The following NTRK2 variants were observed in gnomAD, a reference collection of about 807,000 sequenced individuals.
NTRK2 encodes BDNF/NT-3 growth factors receptor.
In NTRK2, 13 loss-of-function variants were observed where a neutral mutation model predicts 94.5. The ratio of observed to expected loss-of-function variants is 0.14; its 90% CI spans 0.09 to 0.22. The LOEUF is 0.22. NTRK2 is among the 10% of genes least tolerant of loss of function. The probability of loss-of-function intolerance (pLI) is 1.00; values close to 1 mark genes in which losing one functional copy is unlikely to be tolerated. For synonymous variants in NTRK2, 372 were observed against 407.4 expected (o/e 0.91, Z 1.05); for missense variants, 639 against 1,071.2 (o/e 0.60, Z 5.63).
intron 10 of NTRK2, among the ~76,000 whole-genome samples, chr9:84,744,404 C>A (rs1057219088): frequency 1.6e-4 from 24 of 152,166 alleles, no homozygotes; most frequent in African/African-American, 5.1e-4. Flanking sequence ...AAGTTTCATA[C>A]TGATGCTTGT....
chr9:84,814,170 C>A, intron 12 of NTRK2: 1 of 1,065,494 alleles, frequency 9.4e-7, no homozygotes, highest in Non-Finnish European at 1.1e-6. Context: ...CTAAACAATC[C>A]CAGCCCCACC....
chr9:84,787,773 A>G (rs973971140), intron 12 of NTRK2, among the ~76,000 whole-genome samples: 11 of 152,214 alleles, frequency 7.2e-5, no homozygotes, highest in African/African-American at 2.7e-4. Flanking sequence ...AGTTGTTGTG[A>G]GGATTAAATA....
rs1251771059 is a variant in NTRK2, at chr9:84,706,514, A to ATTTTT, written c.360-1328_360-1324dup. ...GTCACCCTCAGATCTCATGTGTGTT[A>ATTTTT]TTTTTTGTTTTTGTTTTTTTTTTTT... On this transcript the variant is annotated intron_variant, in intron 4 of 18. Transcript: ENST00000277120. Among the ~76,000 whole-genome samples the ATTTTT allele has an allele frequency of 2.5e-3, 171 of 68,542 alleles. 11 individuals are homozygous for ATTTTT. Among genetic ancestry groups the ATTTTT allele is most frequent in the South Asian group, 5.0e-3 (10 of 1,982 alleles). The allele number at this position is 68,542 out of a possible 152,430, so 45.0% of individuals were successfully genotyped here.
intron 9 of NTRK2, among the ~76,000 whole-genome samples, chr9:84,732,803 G>A (rs2132162679): frequency 6.6e-6 from 1 of 152,312 alleles, no homozygotes; most frequent in South Asian, 2.1e-4. Flanking sequence ...GTTCAATGCT[G>A]ATGTGCCGAC....
At chr9:84,848,921 G>C (rs946500190) in intron 12 of NTRK2, among the ~76,000 whole-genome samples, 5 of 152,150 alleles carry the variant, frequency 3.3e-5, no homozygotes, top group Non-Finnish European at 7.3e-5. Flanking sequence ...ATATGAGTTA[G>C]AGTGACTTTT....
intron 12 of NTRK2, among the ~76,000 whole-genome samples, chr9:84,833,205 G>C (rs1216616062): frequency 6.6e-6 from 1 of 152,134 alleles, no homozygotes; most frequent in Non-Finnish European, 1.5e-5. Flanking sequence ...CCATTGTTCT[G>C]TGAAGTGCTT....
chr9:84,875,470 C>A, intron 14 of NTRK2: 1 of 1,062,688 alleles, frequency 9.4e-7, no homozygotes, highest in South Asian at 4.6e-5. Flanking sequence ...GGTCATCACT[C>A]CAGATAACTC....
chr9:84,682,711 C>A (rs2059464902), intron 2 of NTRK2, among the ~76,000 whole-genome samples: 1 of 152,180 alleles, frequency 6.6e-6, no homozygotes, highest in African/African-American at 2.4e-5. Context: ...TTTCAGAAAT[C>A]TTTGTCTTAC....
chr9:84,894,478 A>G (rs1422874418), intron 14 of NTRK2, among the ~76,000 whole-genome samples: 1 of 152,152 alleles, frequency 6.6e-6, no homozygotes, highest in Non-Finnish European at 1.5e-5. Flanking sequence ...GCATGGACCC[A>G]TCAGATACTA....
At chr9:84,748,920 T>C (rs961414086) in intron 11 of NTRK2, among the ~76,000 whole-genome samples, 22 of 152,182 alleles carry the variant, frequency 1.4e-4, no homozygotes, top group African/African-American at 4.8e-4. Flanking sequence ...TGTTTGTATA[T>C]AGGCTGCAGA....
chr9:84,906,565 T>C (rs2077082693), intron 14 of NTRK2, among the ~76,000 whole-genome samples: 2 of 152,234 alleles, frequency 1.3e-5, no homozygotes, highest in Non-Finnish European at 2.9e-5. Flanking sequence ...GATTTGGTTC[T>C]TCCAGCTGAC....
chr9:84,753,284 C>T (rs1486963931), intron 12 of NTRK2, among the ~76,000 whole-genome samples: 1 of 152,104 alleles, frequency 6.6e-6, no homozygotes, highest in East Asian at 1.9e-4. Flanking sequence ...GAGGGACCAC[C>T]CCACAGTGAT....
intron 14 of NTRK2, among the ~76,000 whole-genome samples, chr9:84,881,972 A>G (rs1038609482): frequency 2.0e-5 from 3 of 152,208 alleles, no homozygotes; most frequent in African/African-American, 4.8e-5. Flanking sequence ...AATTTACACA[A>G]TAGTCATATG....
intron 17 of NTRK2, among the ~76,000 whole-genome samples, chr9:85,018,121 T>C (rs770365987): frequency 2.6e-5 from 4 of 152,264 alleles, no homozygotes; most frequent in Middle Eastern, 6.8e-3. Context: ...TTAAAATGTG[T>C]AGACCTCTGT....
Position 85,021,512 on chromosome 9 carries a change from C to T in NTRK2, c.*75C>T, listed in dbSNP as rs201072815. 26 of 1,435,980 alleles carry T rather than the reference C, an allele frequency of 1.8e-5. No individual in the cohort carries two copies. The highest frequency in any genetic ancestry group is 4.6e-5 in the South Asian group (4 of 86,966). 89.0% of individuals were successfully genotyped at this position (1,435,980 alleles called of 1,614,324 possible). On this transcript the variant is annotated 3_prime_UTR_variant, in exon 19 of 19. Coordinates refer to ENST00000277120, the MANE Select transcript of NTRK2 (RefSeq NM_006180.6). ...GAGAGGATGAACATCTTTTAACTGC[C>T]GCTGGAGGCCACCAAGCTGCTCTCC...
chr9:84,759,886 A>G (rs2065400095), intron 12 of NTRK2, among the ~76,000 whole-genome samples: 3 of 152,180 alleles, frequency 2.0e-5, no homozygotes, highest in Non-Finnish European at 4.4e-5. Context: ...GCTTTTCAGA[A>G]TTTATGAAGA....
chr9:84,788,156 C>T (rs950082958), intron 12 of NTRK2, among the ~76,000 whole-genome samples: 1 of 152,064 alleles, frequency 6.6e-6, no homozygotes, highest in East Asian at 1.9e-4. Context: ...TCACGATCAT[C>T]ATTATGTTAT....
At chr9:84,726,050 G>C (rs2062428608) in intron 8 of NTRK2, among the ~76,000 whole-genome samples, 1 of 152,188 alleles carries the variant, frequency 6.6e-6, no homozygotes, top group African/African-American at 2.4e-5. Context: ...GGTAATATCA[G>C]ATTACCTGCT....
At chr9:84,954,439 G>GAAGAA (rs1823855108) in intron 16 of NTRK2, among the ~76,000 whole-genome samples, 1 of 152,180 alleles carries the variant, frequency 6.6e-6, no homozygotes, top group South Asian at 2.1e-4. Context: ...GTGTAAGACA[G>GAAGAA]AAGAAAAATA....
Sources: gnomAD v4.1 joint callset for allele counts (sites outside exome capture counted in the v4.1 genomes callset) on GRCh38, gnomAD v4.1.1 for gene constraint, MANE v1.5 for transcripts, NCBI Gene and HGNC (gene_info 2026-07-23, HGNC 2026-07-21) for gene names.